Variants in GRIK4 observed in about 807,000 individuals in gnomAD.
The protein encoded by GRIK4 is glutamate ionotropic receptor kainate type subunit 4.
Under a neutral mutation model 104.9 loss-of-function variants are expected in GRIK4, and 40 were observed. The ratio of observed to expected loss-of-function variants is 0.38; its 90% CI spans 0.30 to 0.50. The LOEUF is 0.50. GRIK4 is among the 20% of genes least tolerant of loss of function. The pLI is 0.93. For synonymous variants in GRIK4, 485 were observed against 524.9 expected (o/e 0.92, Z 1.04); for missense variants, 1,047 against 1,308.1 (o/e 0.80, Z 3.08).
rs562783800 is a variant in GRIK4 at position 120,662,105 on chromosome 11, G to A, written c.82+1705G>A. Among the ~76,000 whole-genome samples the A allele has an allele frequency of 4.5e-4, 68 of 152,328 alleles. No individual in the cohort carries two copies. In the South Asian group the frequency reaches 0.012, roughly 28 times the overall value. ...GAGCCAGAATCAGTAGCACCTCATGGCCTCGCCTCTCCCGACACTTGTGCT... is the reference window on the plus strand; with the variant it reads ...GAGCCAGAATCAGTAGCACCTCATGACCTCGCCTCTCCCGACACTTGTGCT... On this transcript the variant is annotated intron_variant, in intron 3 of 20. Coordinates refer to ENST00000527524, the MANE Select transcript of GRIK4 (RefSeq NM_014619.5).
At chr11:120,519,889 T>TTTTTTTTTTTG (rs1555132646) in intron 1 of GRIK4, among the ~76,000 whole-genome samples, 1 of 146,586 alleles carries the variant, frequency 6.8e-6, no homozygotes, top group African/African-American at 2.6e-5. Flanking sequence ...TGTTTTTTTT[T>TTTTTTTTTTTG]TTGTTGTTGT....
intron 3 of GRIK4, among the ~76,000 whole-genome samples, chr11:120,772,696 G>A (rs1951970590): frequency 1.3e-5 from 2 of 151,848 alleles, no homozygotes; most frequent in South Asian, 4.2e-4. Context: ...ATTGTGGGGA[G>A]AAGGAGAGAA....
At chr11:120,747,052 A>G (rs1565328711) in intron 3 of GRIK4, among the ~76,000 whole-genome samples, 1 of 152,182 alleles carries the variant, frequency 6.6e-6, no homozygotes, top group South Asian at 2.1e-4. Context: ...GCACTCAGTA[A>G]TTGGTAGCTC....
intron 8 of GRIK4, among the ~76,000 whole-genome samples, chr11:120,840,396 C>T (rs1172850389): frequency 1.3e-5 from 2 of 152,126 alleles, no homozygotes; most frequent in Non-Finnish European, 2.9e-5. Flanking sequence ...GCATCATGCC[C>T]CTGCTTCTGG....
chr11:120,975,865 T>C (rs1452471633), intron 19 of GRIK4, among the ~76,000 whole-genome samples: 3 of 152,142 alleles, frequency 2.0e-5, no homozygotes, highest in Non-Finnish European at 4.4e-5. Context: ...CGTGGAACCT[T>C]GGGCAAGTTA....
intron 3 of GRIK4, among the ~76,000 whole-genome samples, chr11:120,785,185 G>A (rs1292009624): frequency 6.6e-6 from 1 of 152,166 alleles, no homozygotes; most frequent in African/African-American, 2.4e-5. Flanking sequence ...CCTCCAGCCT[G>A]GCTGTTTGTG....
chr11:120,744,600 G>A (rs1013947204), intron 3 of GRIK4, among the ~76,000 whole-genome samples: 2 of 152,134 alleles, frequency 1.3e-5, no homozygotes, highest in African/African-American at 4.8e-5. Flanking sequence ...CCCTTTCTTG[G>A]AAGAGGAGTA....
chr11:120,967,093 AAGC>A lies in GRIK4; in HGVS notation c.2267-99_2267-97del, dbSNP rs1342315220. On this transcript the variant is annotated intron_variant, in intron 18 of 20. Coordinates refer to ENST00000527524, the MANE Select transcript of GRIK4 (RefSeq NM_014619.5). The surrounding 1 kb of genome is among the most constrained non-coding windows in gnomAD (Gnocchi z 4.2). ...ATCTGTCTGTCCCCTCTCGAGGTGA[AAGC>A]AGGCAGGGTGGCCAGGAGGTGTGCC... 1 of 1,349,382 alleles carries A rather than the reference AAGC, an allele frequency of 7.4e-7. No homozygotes were observed. Among genetic ancestry groups the A allele is most frequent in the Non-Finnish European group, 1.0e-6 (1 of 976,674 alleles). 83.6% of individuals were successfully genotyped at this position (1,349,382 alleles called of 1,614,324 possible). A position where few individuals can be genotyped will look rare whatever the true frequency, so the allele number is the denominator to read the frequency against.
At chr11:120,871,545 T>G in intron 9 of GRIK4, 1 of 455,422 alleles carries the variant, frequency 2.2e-6, no homozygotes, top group Non-Finnish European at 4.4e-6. Context: ...CTGTTCCCCA[T>G]GGTGAGAATT....
Position 120,631,954 on chromosome 11 carries a change from T to C in GRIK4, c.-158-21731T>C, listed in dbSNP as rs552001885. Among the ~76,000 whole-genome samples, 4 of 152,256 alleles carry C rather than the reference T, an allele frequency of 2.6e-5. No homozygotes were observed. The South Asian group carries it at 6.2e-4, about 24-fold the overall frequency. Reference sequence around the variant, plus strand: ...ATCCCAGGTTTGAAGTCCAGCATGATCATATACTGTTGAGCAGTCAGGGGC... The same window carrying C: ...ATCCCAGGTTTGAAGTCCAGCATGACCATATACTGTTGAGCAGTCAGGGGC... On this transcript the variant is annotated intron_variant, in intron 1 of 20. Coordinates refer to ENST00000527524, the MANE Select transcript of GRIK4 (RefSeq NM_014619.5).
In GRIK4 at chr11:120,615,221, G is replaced by C. The variant is rs917805346; in HGVS notation, c.-158-38464G>C. On this transcript the variant is annotated intron_variant, in intron 1 of 20. Transcript: ENST00000527524. ...GTTAAGTGAGTTTATGCAGCTTGTA[G>C]GAGGCCGATTGAGGCCCTGAACCTA... is the stretch of plus-strand genomic sequence containing the variant. Among the ~76,000 whole-genome samples the C allele has an allele frequency of 1.8e-4, 28 of 152,238 alleles. No homozygotes were observed. In the East Asian group the frequency reaches 5.4e-3, roughly 29 times the overall value.
intron 3 of GRIK4, among the ~76,000 whole-genome samples, chr11:120,666,365 G>A (rs1180645462): frequency 6.6e-6 from 1 of 152,184 alleles, no homozygotes; most frequent in Non-Finnish European, 1.5e-5. Flanking sequence ...GTTGGGACAG[G>A]GTCCTGAATA....
At chr11:120,677,759 G>A (rs1289962292) in intron 3 of GRIK4, among the ~76,000 whole-genome samples, 1 of 152,166 alleles carries the variant, frequency 6.6e-6, no homozygotes, top group African/African-American at 2.4e-5. Flanking sequence ...CCTTTTCCCT[G>A]TTTGATATTT....
At chr11:120,733,259 A>AT (rs1695711365) in intron 3 of GRIK4, among the ~76,000 whole-genome samples, 1 of 152,114 alleles carries the variant, frequency 6.6e-6, no homozygotes. Flanking sequence ...TGGTCTTGTT[A>AT]TTTTGTGCAT....
rs1479896216 is a variant in GRIK4, at chr11:120,725,765, AAC to A, written c.82+65366_82+65367del. ...GTTTATAAAAAAAAAAAATCTATGG[AAC>A]TATTGGGTCACTTTCTGTTCCCTTG... On this transcript the variant is annotated intron_variant, in intron 3 of 20. Transcript: ENST00000527524. Among the ~76,000 whole-genome samples, 141 of 152,198 alleles carry A rather than the reference AAC, an allele frequency of 9.3e-4. 1 individual carries two copies. Among genetic ancestry groups the A allele is most frequent in the Non-Finnish European group, 1.4e-3 (95 of 68,004 alleles).
intron 3 of GRIK4, among the ~76,000 whole-genome samples, chr11:120,750,646 G>A (rs1951533946): frequency 6.6e-6 from 1 of 152,146 alleles, no homozygotes; most frequent in Non-Finnish European, 1.5e-5. Flanking sequence ...TGGGATTACA[G>A]GCGTGAGCTG....
In GRIK4 at chr11:120,524,419, C is replaced by T. The variant is rs1033346017; in HGVS notation, c.-159+12532C>T. Among the ~76,000 whole-genome samples the T allele has an allele frequency of 2.0e-5, 3 of 152,100 alleles. No homozygotes were observed. Among genetic ancestry groups the T allele is most frequent in the African/African-American group, 7.2e-5 (3 of 41,402 alleles). On this transcript the variant is annotated intron_variant, in intron 1 of 20. Transcript: ENST00000527524. The surrounding 1 kb of genome is among the most constrained non-coding windows in gnomAD (Gnocchi z 4.5). ...TCGCAGATGTATGGGATTGAAAAGT[C>T]AATTGTGTGATCTTAAAACACATTT...
At chr11:120,765,538 A>C (rs937145270) in intron 3 of GRIK4, among the ~76,000 whole-genome samples, 3 of 152,190 alleles carry the variant, frequency 2.0e-5, no homozygotes, top group Non-Finnish European at 2.9e-5. Context: ...GAGAAGCAGC[A>C]TTCTGGTTTT....
chr11:120,862,185 A>C, intron 9 of GRIK4, 65 bp downstream of exon 9: 3 of 1,400,536 alleles, frequency 2.1e-6, no homozygotes, highest in Non-Finnish European at 3.0e-6. Flanking sequence ...TCTGTGGGCC[A>C]ACCCCTGGGC....
Sources: allele counts gnomAD v4.1 joint callset (sites outside exome capture counted in the v4.1 genomes callset), GRCh38; gene constraint gnomAD v4.1.1; non-coding constraint Gnocchi (gnomAD v3.1); transcripts MANE v1.5; gene names NCBI Gene and HGNC (gene_info 2026-07-23, HGNC 2026-07-21).